Variants in TEX14 observed in about 807,000 individuals in gnomAD.
TEX14 encodes testis expressed 14, intercellular bridge forming factor, also known as inactive serine/threonine-protein kinase TEX14.
Under a neutral mutation model 178.6 loss-of-function variants are expected in TEX14, and 168 were observed. That is an observed-to-expected ratio of 0.94 (90% CI 0.83 to 1.07). The LOEUF is 1.07. TEX14 is among the 50% of genes least tolerant of loss of function. TEX14 has a pLI of 0.00. For synonymous variants in TEX14, 626 were observed against 634.1 expected (o/e 0.99, Z 0.19); for missense variants, 1,730 against 1,753.6 (o/e 0.99, Z 0.24).
Position 58,651,873 on chromosome 17 carries a change from A to C in TEX14, c.129T>G (p.Leu43=), listed in dbSNP as rs1194785704. The part of the protein sequence containing the change: ...QGNYVKVKKI[L]KKGIYVDAVN... ...TCTCAACATGGTGCTTACCTTTCTTAAGAATTTTCTTCACTTTCACATAGT... is the reference window on the plus strand; with the variant it reads ...TCTCAACATGGTGCTTACCTTTCTTCAGAATTTTCTTCACTTTCACATAGT... The change falls in exon 2 of 32, where the codon CTT becomes CTG. Residue 43 remains leucine (L), a synonymous_variant. Coordinates refer to ENST00000349033, the MANE Select transcript of TEX14 (RefSeq NM_031272.5). The C allele has an allele frequency of 1.2e-6, 2 of 1,605,910 alleles. No individual in the cohort carries two copies. Among genetic ancestry groups the C allele is most frequent in the Admixed American group, 3.5e-5 (2 of 57,408 alleles).
chr17:58,683,996 C>T (rs302881), intron 1 of TEX14, among the ~76,000 whole-genome samples: 94,430 of 151,810 alleles, frequency 0.62, 29,771 homozygotes, highest in African/African-American at 0.71. Flanking sequence ...ACCCGAGAGA[C>T]GGAGGTTGCA....
chr17:58,668,743 C>G (rs1158960124), intron 1 of TEX14, among the ~76,000 whole-genome samples: 1 of 152,134 alleles, frequency 6.6e-6, no homozygotes, highest in African/African-American at 2.4e-5. Context: ...AGAAAATAAT[C>G]TGGATCACCC....
chr17:58,591,698 A>T (rs1032737693), intron 15 of TEX14, among the ~76,000 whole-genome samples: 2 of 151,020 alleles, frequency 1.3e-5, no homozygotes, highest in Non-Finnish European at 2.9e-5. Flanking sequence ...GATTAGTGCT[A>T]CCATTTATCC....
At chr17:58,652,872 A>G (rs1391276774) in intron 1 of TEX14, among the ~76,000 whole-genome samples, 1 of 152,172 alleles carries the variant, frequency 6.6e-6, no homozygotes, top group African/African-American at 2.4e-5. Context: ...AAATTATTTA[A>G]CATTGATAGG....
chr17:58,603,810 C>T (rs1348602213), intron 11 of TEX14, among the ~76,000 whole-genome samples: 1 of 149,850 alleles, frequency 6.7e-6, no homozygotes, highest in Admixed American at 6.7e-5. Context: ...GCCAAGATCC[C>T]GCCACTGCAC....
intron 10 of TEX14, among the ~76,000 whole-genome samples, chr17:58,609,530 A>C (rs1567733625): frequency 6.6e-6 from 1 of 152,210 alleles, no homozygotes; most frequent in Non-Finnish European, 1.5e-5. Context: ...GGCATGAGCC[A>C]CCATGCCCAG....
chr17:58,620,405 CT>C (rs1279183917), intron 5 of TEX14, among the ~76,000 whole-genome samples: 1 of 152,186 alleles, frequency 6.6e-6, no homozygotes, highest in African/African-American at 2.4e-5. Context: ...TCTTGGCTTG[CT>C]GCAACCTCCA....
At chr17:58,648,648 G>A (rs2046767188) in intron 2 of TEX14, among the ~76,000 whole-genome samples, 1 of 152,152 alleles carries the variant, frequency 6.6e-6, no homozygotes. Flanking sequence ...TGTACAGCAG[G>A]CTGGGACTCA....
chr17:58,589,975 G>A (rs1474218725), intron 15 of TEX14, among the ~76,000 whole-genome samples: 1 of 151,814 alleles, frequency 6.6e-6, no homozygotes, highest in Non-Finnish European at 1.5e-5. Context: ...AAAGTGAACT[G>A]AGATTGGCCA....
intron 30 of TEX14, among the ~76,000 whole-genome samples, chr17:58,558,666 G>T (rs1231948700): frequency 6.6e-6 from 1 of 152,144 alleles, no homozygotes; most frequent in Non-Finnish European, 1.5e-5. Flanking sequence ...TCCTGAGTAG[G>T]AAGAACTTAA....
At chr17:58,606,716 A>G (rs1466387616) in intron 10 of TEX14, among the ~76,000 whole-genome samples, 1 of 151,562 alleles carries the variant, frequency 6.6e-6, no homozygotes, top group Non-Finnish European at 1.5e-5. Context: ...CCTGGGTAAC[A>G]GAGTGAGACT....
intron 1 of TEX14, among the ~76,000 whole-genome samples, chr17:58,682,640 C>CTGGGATTA (rs1264686097): frequency 3.9e-5 from 6 of 152,084 alleles, no homozygotes; most frequent in Non-Finnish European, 7.4e-5. Context: ...TCCCAAAGTG[C>CTGGGATTA]TGGGATTATA....
intron 4 of TEX14, among the ~76,000 whole-genome samples, chr17:58,622,487 G>T (rs1026737545): frequency 1.3e-5 from 2 of 151,326 alleles, no homozygotes; most frequent in Non-Finnish European, 2.9e-5. Context: ...CTTAATGTCA[G>T]TGGGCCTCAG....
rs767624443 is a variant in TEX14, at chr17:58,604,988, C to A, written c.1326G>T (p.Glu442Asp). The A allele has an allele frequency of 1.2e-6, 2 of 1,614,124 alleles. No individual in the cohort carries two copies. The highest frequency in any genetic ancestry group is 3.3e-5 in the Admixed American group (2 of 60,010). The change falls in exon 11 of 32, where the codon GAG becomes GAT. Residue 442 changes from glutamate to aspartate, a missense_variant. Glu to Asp is a conservative substitution (Grantham distance 45, BLOSUM62 2). Coordinates refer to ENST00000349033, the MANE Select transcript of TEX14 (RefSeq NM_031272.5). ...DIYSFSMIMQ[E>D]ILTDDIPWKG... is the part of the protein sequence containing the mutation. ...ATGATCTTGATCTACCTGTTAAAAT[C>A]TCCTGCATGATCATAGAAAAGCTGT...
intron 24 of TEX14, 97 bp downstream of exon 24, chr17:58,571,824 T>C: frequency 9.3e-7 from 1 of 1,075,480 alleles, no homozygotes. Flanking sequence ...GCTTATTTCT[T>C]GCTTTCTTAA....
intron 19 of TEX14, chr17:58,581,812 C>T (rs552234390): frequency 4.4e-5 from 66 of 1,492,020 alleles, no homozygotes; most frequent in Admixed American, 9.1e-5. Flanking sequence ...GTGTTAACAA[C>T]GGGGTTATCT....
At chr17:58,661,462 C>T (rs2047108495) in intron 1 of TEX14, 1 of 783,238 alleles carries the variant, frequency 1.3e-6, no homozygotes, top group Non-Finnish European at 2.4e-6. Context: ...GGTCGAGGCC[C>T]TTGAACACCT....
chr17:58,644,144 A>G (rs574227139), intron 2 of TEX14, among the ~76,000 whole-genome samples: 6 of 152,182 alleles, frequency 3.9e-5, no homozygotes, highest in South Asian at 2.1e-4. Context: ...TTAATCACCA[A>G]TGACCAATGA....
intron 2 of TEX14, chr17:58,631,814 ATTAT>A (rs1567748130): frequency 6.6e-6 from 1 of 151,836 alleles, no homozygotes; most frequent in African/African-American, 2.4e-5. Flanking sequence ...CACTATAGAA[ATTAT>A]CCCTCAAAAT....
Sources: allele counts gnomAD v4.1 joint callset (sites outside exome capture counted in the v4.1 genomes callset), GRCh38; gene constraint gnomAD v4.1.1; transcripts MANE v1.5; gene names NCBI Gene and HGNC (gene_info 2026-07-23, HGNC 2026-07-21).